NRXN3: variants seen among roughly 807,000 people sequenced by gnomAD.
NRXN3 encodes the protein neurexin III.
A neutral mutation model predicts 137.6 loss-of-function variants in NRXN3; 32 were observed. The observed-to-expected ratio is 0.23, with a 90% CI of 0.18 to 0.31. NRXN3 has a LOEUF of 0.31. Among genes scored for constraint, NRXN3 ranks in the 10% least tolerant of loss-of-function variants. The pLI, the probability that NRXN3 is intolerant of heterozygous loss-of-function variation, is 1.00. For missense variants in NRXN3, 1,574 were observed against 2,062.5 expected (o/e 0.76, Z 4.59); for synonymous variants, 798 against 784.5 (o/e 1.02, Z -0.29).
At chr14:79,443,943 T>A (rs1409058239) in intron 15 of NRXN3, among the ~76,000 whole-genome samples, 1 of 152,160 alleles carries the variant, frequency 6.6e-6, no homozygotes, top group Admixed American at 6.5e-5. Context: ...ATAGTCTTTT[T>A]ATTAACCCCA....
At chr14:78,723,792 C>T (rs1479510822) in intron 8 of NRXN3, among the ~76,000 whole-genome samples, 1 of 11,264 alleles carries the variant, frequency 8.9e-5, no homozygotes, top group African/African-American at 2.4e-4. Flanking sequence ...TGTTTTTACT[C>T]CATTTTTTTT....
chr14:78,548,288 T>C (rs1269576005), intron 4 of NRXN3, among the ~76,000 whole-genome samples: 1 of 152,250 alleles, frequency 6.6e-6, no homozygotes, highest in Non-Finnish European at 1.5e-5. Flanking sequence ...CAATCACTTC[T>C]TTATTCTATC....
chr14:78,642,953 C>T lies in NRXN3; in HGVS notation c.758-2167C>T, dbSNP rs186450119. 1.0e-3 allele frequency among the ~76,000 whole-genome samples: 158 copies of T among 152,272 alleles called. 1 individual carries two copies. Among genetic ancestry groups the T allele is most frequent in the Middle Eastern group, 6.8e-3 (2 of 294 alleles). On this transcript the variant is annotated intron_variant, in intron 4 of 20. Coordinates refer to ENST00000335750, the MANE Select transcript of NRXN3 (RefSeq NM_001330195.2). Reference sequence around the variant, plus strand: ...TGAGCATTTATAGGTGAACAGGTCTCTTTTGCTTATACCAATGTGTGTGCA... The same window carrying T: ...TGAGCATTTATAGGTGAACAGGTCTTTTTTGCTTATACCAATGTGTGTGCA...
chr14:78,723,005 G>A (rs1469791269), intron 8 of NRXN3, among the ~76,000 whole-genome samples: 3 of 152,164 alleles, frequency 2.0e-5, no homozygotes, highest in East Asian at 1.9e-4. Context: ...AGTTTTCCAT[G>A]TGGGTGGCAT....
intron 10 of NRXN3, among the ~76,000 whole-genome samples, chr14:78,903,147 C>CTTTTT (rs965920523): frequency 0.061 from 7,423 of 121,322 alleles, 658 homozygotes; most frequent in African/African-American, 0.17. Context: ...GTTTCATCTT[C>CTTTTT]TTTTTTTTTT....
intron 8 of NRXN3, among the ~76,000 whole-genome samples, chr14:78,722,928 C>A (rs1248676001): frequency 6.6e-6 from 1 of 151,888 alleles, no homozygotes; most frequent in African/African-American, 2.4e-5. Context: ...CCCCGGCAGA[C>A]CAGGCAGGGG....
intron 10 of NRXN3, among the ~76,000 whole-genome samples, chr14:78,886,447 C>T (rs150785): frequency 0.054 from 8,200 of 151,916 alleles, 724 homozygotes; most frequent in African/African-American, 0.19. Flanking sequence ...ATATTCTCTG[C>T]CTTCTTCTCT....
chr14:79,751,044 G>A (rs4492976), intron 19 of NRXN3, among the ~76,000 whole-genome samples: 10,861 of 152,072 alleles, frequency 0.071, 444 homozygotes, highest in South Asian at 0.14. Context: ...GGATTGACTT[G>A]GCGATGCAGG....
chr14:78,718,154 AT>A (rs1468243552), intron 8 of NRXN3, among the ~76,000 whole-genome samples: 8 of 152,164 alleles, frequency 5.3e-5, no homozygotes, highest in Admixed American at 5.2e-4. Context: ...AATTTTTATT[AT>A]GTAGAAGCAT....
chr14:78,685,539 C>T (rs2098117650), intron 6 of NRXN3, among the ~76,000 whole-genome samples: 1 of 151,752 alleles, frequency 6.6e-6, no homozygotes, highest in South Asian at 2.1e-4. Flanking sequence ...GACTTTTGTC[C>T]TTACTGTAGT....
chr14:78,974,303 C>T (rs922934249), intron 14 of NRXN3, among the ~76,000 whole-genome samples: 8 of 152,148 alleles, frequency 5.3e-5, no homozygotes, highest in East Asian at 1.9e-4. Flanking sequence ...CTGGATTTAG[C>T]GGATTAAACT....
At chr14:78,478,173 A>G (rs1159116130) in intron 4 of NRXN3, among the ~76,000 whole-genome samples, 1 of 152,200 alleles carries the variant, frequency 6.6e-6, no homozygotes, top group Non-Finnish European at 1.5e-5. Context: ...CAACAGAAGT[A>G]TGATGTCTGT....
intron 19 of NRXN3, among the ~76,000 whole-genome samples, chr14:79,739,739 A>G (rs777857977): frequency 6.6e-6 from 1 of 150,688 alleles, no homozygotes; most frequent in Non-Finnish European, 1.5e-5. Context: ...TGCTGACCAT[A>G]TGCTGTTGAG....
intron 8 of NRXN3, among the ~76,000 whole-genome samples, chr14:78,738,241 G>A (rs969931172): frequency 1.3e-5 from 2 of 152,186 alleles, no homozygotes; most frequent in African/African-American, 4.8e-5. Context: ...TAAGCACTGG[G>A]AATAGAGCAG....
chr14:79,104,644 T>C (rs1466629887), intron 15 of NRXN3, among the ~76,000 whole-genome samples: 1 of 152,166 alleles, frequency 6.6e-6, no homozygotes, highest in African/African-American at 2.4e-5. Flanking sequence ...AATGTTGAGG[T>C]AATCAACTTC....
chr14:79,671,299 C>T (rs1223575093), intron 17 of NRXN3, among the ~76,000 whole-genome samples: 1 of 152,130 alleles, frequency 6.6e-6, no homozygotes, highest in Non-Finnish European at 1.5e-5. Context: ...TTCTCGTAAA[C>T]ACCCTAGAAC....
At chr14:78,383,981 G>T (rs936814568) in intron 4 of NRXN3, among the ~76,000 whole-genome samples, 2 of 152,160 alleles carry the variant, frequency 1.3e-5, no homozygotes, top group African/African-American at 2.4e-5. Flanking sequence ...TGGTCCTGTG[G>T]CACAGAGAAA....
Position 78,693,172 on chromosome 14 carries a change from T to C in NRXN3, c.1222-16045T>C, listed in dbSNP as rs138272601. Reference sequence around the variant, plus strand: ...GGCACTTAGTATCTAGCCTTCATTATTAGTCTTAGATGGAAAACTGGATGC... The same window carrying C: ...GGCACTTAGTATCTAGCCTTCATTACTAGTCTTAGATGGAAAACTGGATGC... On this transcript the variant is annotated intron_variant, in intron 6 of 20. Transcript: ENST00000335750. 4.4e-3 allele frequency among the ~76,000 whole-genome samples: 668 copies of C among 152,126 alleles called. 8 individuals carry two copies. Among genetic ancestry groups the C allele is most frequent in the Admixed American group, 0.011 (162 of 15,278 alleles).
Position 78,222,819 on chromosome 14 carries a change from A to G in NRXN3, c.-703-19572A>G, listed in dbSNP as rs75039667. ...AGTTCTTGATCTTCACTTTCCCACT[A>G]GGCTCTAAGCTCCTTGTAGTCAAGG... is the stretch of plus-strand genomic sequence containing the variant. On this transcript the variant is annotated intron_variant, in intron 1 of 20. Transcript: ENST00000335750. Among the ~76,000 whole-genome samples the G allele has an allele frequency of 6.3e-3, 956 of 152,298 alleles. 9 individuals carry two copies. Among genetic ancestry groups the G allele is most frequent in the African/African-American group, 0.021 (879 of 41,556 alleles).
Sources: allele counts gnomAD v4.1 joint callset (sites outside exome capture counted in the v4.1 genomes callset), GRCh38; gene constraint gnomAD v4.1.1; transcripts MANE v1.5; gene names NCBI Gene and HGNC (gene_info 2026-07-23, HGNC 2026-07-21).